TNFRSF1A: variants seen among roughly 807,000 people sequenced by gnomAD.
TNFRSF1A encodes tumor necrosis factor receptor superfamily member 1A.
In TNFRSF1A, 9 loss-of-function variants were observed where a neutral mutation model predicts 41.6. The observed-to-expected ratio is 0.22, with a 90% confidence interval of 0.13 to 0.38. The LOEUF is 0.38. TNFRSF1A is among the 10% of genes least tolerant of loss of function. TNFRSF1A has a pLI of 1.00. For missense variants in TNFRSF1A, 463 were observed against 591.5 expected (o/e 0.78, Z 2.25); for synonymous variants, 254 against 248.6 (o/e 1.02, Z -0.21).
At chr12:6,335,252 G>A (rs1948105724) in intron 1 of TNFRSF1A, among the ~76,000 whole-genome samples, 1 of 152,148 alleles carries the variant, frequency 6.6e-6, no homozygotes, top group South Asian at 2.1e-4. Flanking sequence ...ATGGGGAGGA[G>A]AGTAAAAGGG....
At position 6,329,513 on chromosome 12, in the gene TNFRSF1A, C is replaced by T; in HGVS notation, c.1167G>A (p.Glu389=). 2 of 1,595,226 alleles carry T rather than the reference C, an allele frequency of 1.3e-6. No individual in the cohort carries two copies. Among genetic ancestry groups the T allele is most frequent in the East Asian group, 2.2e-5 (1 of 44,684 alleles). The change falls in exon 10 of 10, where the codon GAG becomes GAA. Residue 389 remains glutamate (E), a synonymous_variant. Coordinates refer to ENST00000162749, the MANE Select transcript of TNFRSF1A (RefSeq NM_001065.4). ...GLSDHEIDRL[E]LQNGRCLREA... Reference sequence around the variant, plus strand: ...CGCGCAGGCAGCGCCCGTTCTGCAGCTCCAGCCGATCGATCTCGTGGTCGC... The same window carrying T: ...CGCGCAGGCAGCGCCCGTTCTGCAGTTCCAGCCGATCGATCTCGTGGTCGC...
At chr12:6,336,664 T>A (rs962142507) in intron 1 of TNFRSF1A, among the ~76,000 whole-genome samples, 3 of 152,190 alleles carry the variant, frequency 2.0e-5, no homozygotes, top group African/African-American at 7.2e-5. Flanking sequence ...CCATCAGGTC[T>A]GTGCCCTCCC....
chr12:6,333,057 A>G lies in TNFRSF1A; in HGVS notation c.551+12T>C. 1 of 1,611,208 alleles carries G rather than the reference A, an allele frequency of 6.2e-7. No individual in the cohort carries two copies. Among genetic ancestry groups the G allele is most frequent in the African/African-American group, 1.3e-5 (1 of 74,994 alleles). ...CACCATCCAGTGCCCAGCAGCTCTCAGAGATACTCACTTACTACAGGAGAC... is the reference window on the plus strand; with the variant it reads ...CACCATCCAGTGCCCAGCAGCTCTCGGAGATACTCACTTACTACAGGAGAC... On this transcript the variant is annotated intron_variant, in intron 5 of 9. Transcript: ENST00000162749. The surrounding 1 kb of genome is among the most constrained non-coding windows in gnomAD (Gnocchi z 6.3).
chr12:6,332,456 C>CG lies in TNFRSF1A; in HGVS notation c.551+612_551+613insC, dbSNP rs1948064279. Among the ~76,000 whole-genome samples the CG allele has an allele frequency of 4.3e-5, 2 of 46,294 alleles. 1 individual carries two copies. Among genetic ancestry groups the CG allele is most frequent in the Non-Finnish European group, 9.5e-5 (2 of 21,006 alleles). 30.4% of individuals were successfully genotyped at this position (46,294 alleles called of 152,430 possible). A position where few individuals can be genotyped will look rare whatever the true frequency, so the allele number is the denominator to read the frequency against. On this transcript the variant is annotated intron_variant, in intron 5 of 9. Transcript: ENST00000162749. ...CTCAAAAAAAAAAAAAAAAAAAAAACACCAAAAGAAAAGTCAGGCTCAGAG... is the reference window on the plus strand; with the variant it reads ...CTCAAAAAAAAAAAAAAAAAAAAAACGACCAAAAGAAAAGTCAGGCTCAGAG...
At chr12:6,336,264 C>T (rs1423401684) in intron 1 of TNFRSF1A, among the ~76,000 whole-genome samples, 3 of 152,024 alleles carry the variant, frequency 2.0e-5, no homozygotes. Flanking sequence ...TCTCAGGCCA[C>T]GTGTTCCCTT....
At chr12:6,335,253 A>C (rs554715255) in intron 1 of TNFRSF1A, among the ~76,000 whole-genome samples, 20 of 152,180 alleles carry the variant, frequency 1.3e-4, no homozygotes, top group African/African-American at 3.9e-4. Flanking sequence ...TGGGGAGGAG[A>C]GTAAAAGGGA....
intron 1 of TNFRSF1A, among the ~76,000 whole-genome samples, chr12:6,340,824 C>T (rs1389575263): frequency 2.0e-5 from 3 of 152,122 alleles, no homozygotes; most frequent in African/African-American, 4.8e-5. Flanking sequence ...GGATGATTCC[C>T]GGACCAAGAC....
intron 5 of TNFRSF1A, 171 bp from the exon 6 acceptor site, chr12:6,331,097 C>A: frequency 1.5e-6 from 1 of 670,520 alleles, no homozygotes; most frequent in Non-Finnish European, 2.7e-6. Context: ...ATCATAGAAT[C>A]ATTTAATTTT....
At position 6,333,596 on chromosome 12, in the gene TNFRSF1A, T is replaced by C; in HGVS notation, c.323-80A>G. The C allele has an allele frequency of 6.2e-7, 1 of 1,604,512 alleles. No individual in the cohort carries two copies. Among genetic ancestry groups the C allele is most frequent in the African/African-American group, 1.3e-5 (1 of 74,840 alleles). On this transcript the variant is annotated intron_variant, in intron 3 of 9. Coordinates refer to ENST00000162749, the MANE Select transcript of TNFRSF1A (RefSeq NM_001065.4). This position sits in a 1 kb window ranked among gnomAD's most constrained non-coding sequence, Gnocchi z 6.3. Reference sequence around the variant, plus strand: ...CCTTCCTGACATACCCCTAAGTGTGTGTCTCTGTAATACACACTCACATCC... The same window carrying C: ...CCTTCCTGACATACCCCTAAGTGTGCGTCTCTGTAATACACACTCACATCC...
rs1261146874 is a variant in TNFRSF1A, at chr12:6,337,038, G to A, written c.40-2794C>T. Among the ~76,000 whole-genome samples, 1 of 152,208 alleles carries A rather than the reference G, an allele frequency of 6.6e-6. No homozygotes were observed. Among genetic ancestry groups the A allele is most frequent in the Non-Finnish European group, 1.5e-5 (1 of 68,038 alleles). The stretch of plus-strand genomic sequence containing the variant: ...GCCCTGAACACCCACTTCCAGGAAC[G>A]AGGGAGCAGGCAAGAAGGGATGCCG... On this transcript the variant is annotated intron_variant, in intron 1 of 9. Coordinates refer to ENST00000162749, the MANE Select transcript of TNFRSF1A (RefSeq NM_001065.4). The surrounding 1 kb of genome is among the most constrained non-coding windows in gnomAD (Gnocchi z 4.6).
At chr12:6,339,297 C>T (rs1948157088) in intron 1 of TNFRSF1A, among the ~76,000 whole-genome samples, 1 of 152,214 alleles carries the variant, frequency 6.6e-6, no homozygotes, top group South Asian at 2.1e-4. Context: ...GAGGCTTTCC[C>T]TCCGCCATCC....
chr12:6,340,599 A>T (rs1948181981), intron 1 of TNFRSF1A, among the ~76,000 whole-genome samples: 1 of 152,158 alleles, frequency 6.6e-6, no homozygotes, highest in Non-Finnish European at 1.5e-5. Context: ...ACCAGAGCGG[A>T]GCAGAGAGGA....
chr12:6,333,384 C>G lies in TNFRSF1A; in HGVS notation c.455G>C (p.Gly152Ala), dbSNP rs762635729. Residue 152 changes from glycine (G) to alanine (A), a missense_variant, in exon 4 of 10, where the codon GGG (glycine) becomes GCG (alanine). By Grantham distance (60) the Gly-to-Ala change is moderately conservative (BLOSUM62 0). Coordinates refer to ENST00000162749, the MANE Select transcript of TNFRSF1A (RefSeq NM_001065.4). The surrounding 1 kb of genome is among the most constrained non-coding windows in gnomAD (Gnocchi z 6.3). Reference sequence around the variant, plus strand: ...GCGCTCACAGGAGAGGTGCACGGTCCCATTGAGGCAGAGGCTGCAATTGAA... The same window carrying G: ...GCGCTCACAGGAGAGGTGCACGGTCGCATTGAGGCAGAGGCTGCAATTGAA... ...QCFNCSLCLN[G>A]TVHLSCQEKQ... is the part of the protein sequence containing the mutation. 2.5e-6 allele frequency: 4 copies of G among 1,613,656 alleles called. No homozygotes were observed. In the African/African-American group the frequency reaches 4.0e-5, roughly 16 times the overall value.
At chr12:6,330,367 C>T (rs530423291) in intron 7 of TNFRSF1A, 72 bp from the exon 8 acceptor site, 2 of 1,452,410 alleles carry the variant, frequency 1.4e-6, no homozygotes, top group Middle Eastern at 1.7e-4. Context: ...ACTCAGCTGG[C>T]AGTGGGGACT....
Position 6,333,559 on chromosome 12 carries a change from G to T in TNFRSF1A, c.323-43C>A. 3.7e-6 allele frequency: 6 copies of T among 1,613,238 alleles called. No homozygotes were observed. The highest frequency in any genetic ancestry group is 5.1e-6 in the Non-Finnish European group (6 of 1,179,486). ...TGGGGTATGAGTCCTGCATCCTCCT[G>T]TCCCTGCATCCCCTTCCTGACATAC... On this transcript the variant is annotated intron_variant, in intron 3 of 9. Transcript: ENST00000162749. This position sits in a 1 kb window ranked among gnomAD's most constrained non-coding sequence, Gnocchi z 6.3.
intron 1 of TNFRSF1A, among the ~76,000 whole-genome samples, chr12:6,338,085 C>T (rs1243748342): frequency 1.3e-5 from 2 of 152,174 alleles, no homozygotes; most frequent in African/African-American, 2.4e-5. Context: ...GATGAGTGAA[C>T]ACAGTGTGTC....
At position 6,333,505 on chromosome 12, in the gene TNFRSF1A, C is replaced by A; in HGVS notation, c.334G>T (p.Val112Leu). 2 of 1,614,198 alleles carry A rather than the reference C, an allele frequency of 1.2e-6. No individual in the cohort carries two copies. The highest frequency in any genetic ancestry group is 1.7e-6 in the Non-Finnish European group (2 of 1,180,040). The change falls in exon 4 of 10, where the codon GTG (valine) becomes TTG (leucine). Residue 112 changes from valine to leucine, a missense_variant. Around this residue, in one of 4 missense-constraint regions of TNFRSF1A, gnomAD observed 149 missense variants for 239.4 expected, o/e 0.62. Coordinates refer to ENST00000162749, the MANE Select transcript of TNFRSF1A (RefSeq NM_001065.4). This position sits in a 1 kb window ranked among gnomAD's most constrained non-coding sequence, Gnocchi z 6.3. ...CSKCRKEMGQ[V>L]EISSCTVDRD... ...TCCACTGTGCAAGAAGAGATCTCCA[C>A]CTGACCCATTTCTGGTGAGGGGAGA...
Position 6,328,980 on chromosome 12 carries a change from A to G in TNFRSF1A, c.*332T>C, listed in dbSNP as rs201370127. The G allele has an allele frequency of 1.7e-5, 6 of 354,744 alleles. No individual in the cohort carries two copies. Among genetic ancestry groups the G allele is most frequent in the Non-Finnish European group, 3.0e-5 (6 of 198,038 alleles). The allele number at this position is 354,744 out of a possible 1,614,324, so 22.0% of individuals were successfully genotyped here. ...CAAAAACAAAAAAAACTGCTTATGC[A>G]CTGTGAAAAAGGCTCAGGGACGAAC... is the stretch of plus-strand genomic sequence containing the variant. On this transcript the variant is annotated 3_prime_UTR_variant, in exon 10 of 10. Transcript: ENST00000162749.
rs1281839752 is a variant in TNFRSF1A at position 6,329,988 on chromosome 12, G to A, written c.847C>T (p.Leu283=). The part of the protein sequence containing the change: ...FSPTPGFTPT[L]GFSPVPSSTF... ...GAACTGGGCACGGGACTGAAGCCCA[G>A]GGTGGGGGTGAAGCCTGGAGTGGGA... is the stretch of plus-strand genomic sequence containing the variant. Residue 283 remains leucine, a synonymous_variant, in exon 9 of 10, where the codon CTG becomes TTG. Transcript: ENST00000162749. The A allele has an allele frequency of 6.3e-7, 1 of 1,597,514 alleles. No individual in the cohort carries two copies. The highest frequency in any genetic ancestry group is 1.7e-5 in the Admixed American group (1 of 57,608).
Sources: gnomAD v4.1 joint callset for allele counts (sites outside exome capture counted in the v4.1 genomes callset) on GRCh38, gnomAD v4.1.1 for gene constraint, gnomAD v4.1.1 regional missense constraint, Gnocchi (gnomAD v3.1) non-coding constraint, MANE v1.5 for transcripts, NCBI Gene and HGNC (gene_info 2026-07-23, HGNC 2026-07-21) for gene names.